Variants in GATAD2B observed in about 807,000 individuals in gnomAD.
The protein encoded by GATAD2B is GATA zinc finger domain containing 2B, also known as transcriptional repressor p66-beta.
Under a neutral mutation model 64.3 loss-of-function variants are expected in GATAD2B, and 8 were observed. That is an observed-to-expected ratio of 0.12 (90% CI 0.07 to 0.22). GATAD2B has a LOEUF of 0.22. Among genes scored for constraint, GATAD2B ranks in the 10% least tolerant of loss-of-function variants. GATAD2B has a pLI of 1.00. For synonymous variants in GATAD2B, 281 were observed against 271.3 expected, an observed-to-expected ratio of 1.04 and a Z score of -0.35; for missense variants, 453 against 752.0, an observed-to-expected ratio of 0.60 and a Z score of 4.65.
chr1:153,821,172 G>T (rs888388092), intron 2 of GATAD2B, among the ~76,000 whole-genome samples: 2 of 151,630 alleles, frequency 1.3e-5, no homozygotes, highest in African/African-American at 4.8e-5. Context: ...TGTAAGGGGT[G>T]GGGGTCTTGC....
intron 6 of GATAD2B, among the ~76,000 whole-genome samples, chr1:153,817,133 A>G (rs1285475428): frequency 2.6e-5 from 4 of 152,178 alleles, no homozygotes; most frequent in African/African-American, 9.7e-5. Context: ...ACTCTCTTCT[A>G]GGCAGATTTT....
rs550574400 is a variant in GATAD2B, at chr1:153,895,289, G to A, written c.-2+27444C>T. 2.4e-4 allele frequency among the ~76,000 whole-genome samples: 36 copies of A among 151,662 alleles called. 1 individual carries two copies. Among genetic ancestry groups the A allele is most frequent in the African/African-American group, 8.2e-4 (34 of 41,320 alleles). On this transcript the variant is annotated intron_variant, in intron 1 of 10. Transcript: ENST00000368655. ...GCAGAGGGTGCAGTGAGCCAAGATC[G>A]CGCCACTGCACTGCAGCCTGGGTGA... is the stretch of plus-strand genomic sequence containing the variant.
At chr1:153,852,698 G>A in intron 1 of GATAD2B, 1 of 924,954 alleles carries the variant, frequency 1.1e-6, no homozygotes, top group Admixed American at 1.7e-5. Context: ...CTTTAACCCT[G>A]CTGAGAGCCT....
In GATAD2B at chr1:153,813,236, G is replaced by A. The variant is rs1234468004; in HGVS notation, c.1419+14C>T. The stretch of plus-strand genomic sequence containing the variant: ...AACTGGGACAGGTGGCCAGTGAGCA[G>A]TCAGAATTCTTACCTGTTCCTGCTG... On this transcript the variant is annotated intron_variant, in intron 8 of 10. Coordinates refer to ENST00000368655, the MANE Select transcript of GATAD2B (RefSeq NM_020699.4). 5 of 1,608,324 alleles carry A rather than the reference G, an allele frequency of 3.1e-6. No homozygotes were observed. The African/African-American group carries it at 6.7e-5, about 21-fold the overall frequency.
At chr1:153,896,756 G>C (rs986788648) in intron 1 of GATAD2B, among the ~76,000 whole-genome samples, 1 of 151,846 alleles carries the variant, frequency 6.6e-6, no homozygotes, top group Non-Finnish European at 1.5e-5. Context: ...AAATTTTCAA[G>C]GTCAATGAAG....
At position 153,812,144 on chromosome 1, in the gene GATAD2B, C is replaced by T; in HGVS notation, c.1420-12G>A. 1 of 1,414,292 alleles carries T rather than the reference C, an allele frequency of 7.1e-7. No homozygotes were observed. The highest frequency in any genetic ancestry group is 1.0e-6 in the Non-Finnish European group (1 of 999,610). The allele number at this position is 1,414,292 out of a possible 1,614,324, so 87.6% of individuals were successfully genotyped here. On this transcript the variant is annotated splice_polypyrimidine_tract_variant and intron_variant, in intron 8 of 10. Transcript: ENST00000368655. Reference sequence around the variant, plus strand: ...CGCTGTTCAATTTCCTGTTGGGAGTCATCACATCAGGTGATTGAGCAGGAC... The same window carrying T: ...CGCTGTTCAATTTCCTGTTGGGAGTTATCACATCAGGTGATTGAGCAGGAC...
chr1:153,902,057 G>T (rs1304663970), intron 1 of GATAD2B, among the ~76,000 whole-genome samples: 7 of 151,338 alleles, frequency 4.6e-5, no homozygotes, highest in Non-Finnish European at 8.8e-5. Context: ...GAGGCAGGCG[G>T]ATCACCTGAG....
intron 8 of GATAD2B, 55 bp downstream of exon 8, chr1:153,813,195 C>A: frequency 7.0e-7 from 1 of 1,419,836 alleles, no homozygotes; most frequent in Non-Finnish European, 9.9e-7. Context: ...GAAGGCGCGA[C>A]CCTTTGGAAA....
chr1:153,851,478 G>C (rs1196274063), intron 1 of GATAD2B, among the ~76,000 whole-genome samples: 1 of 152,104 alleles, frequency 6.6e-6, no homozygotes, highest in Non-Finnish European at 1.5e-5. Flanking sequence ...GACATTGACA[G>C]GTGTGAAGTG....
At chr1:153,906,352 G>A (rs995593522) in intron 1 of GATAD2B, among the ~76,000 whole-genome samples, 2 of 152,140 alleles carry the variant, frequency 1.3e-5, no homozygotes, top group African/African-American at 4.8e-5. Context: ...CTGGGAGGCA[G>A]AGGTTGCAGT....
intron 1 of GATAD2B, among the ~76,000 whole-genome samples, chr1:153,867,025 G>A (rs1434328402): frequency 6.6e-6 from 1 of 152,066 alleles, no homozygotes; most frequent in East Asian, 1.9e-4. Flanking sequence ...TGATCTGCCT[G>A]CCTCAGTCTC....
chr1:153,828,493 A>ACACAC (rs1674964414), intron 1 of GATAD2B, 145 bp from the exon 2 acceptor site: 1 of 550,360 alleles, frequency 1.8e-6, no homozygotes, highest in African/African-American at 2.1e-5. Flanking sequence ...CACACACACA[A>ACACAC]AGTTCAAAGT....
intron 3 of GATAD2B, among the ~76,000 whole-genome samples, chr1:153,819,147 A>C (rs1054277559): frequency 2.0e-5 from 3 of 152,248 alleles, no homozygotes; most frequent in Non-Finnish European, 4.4e-5. Flanking sequence ...TATAAATGCT[A>C]ATCAGCCAGA....
chr1:153,846,225 T>C (rs1471061360), intron 1 of GATAD2B, among the ~76,000 whole-genome samples: 1 of 152,184 alleles, frequency 6.6e-6, no homozygotes. Context: ...TTGCTTGTTC[T>C]GTGCTTCCTT....
intron 2 of GATAD2B, among the ~76,000 whole-genome samples, chr1:153,820,637 T>C (rs1193935926): frequency 6.6e-6 from 1 of 152,138 alleles, no homozygotes; most frequent in Non-Finnish European, 1.5e-5. Context: ...GTCCTTTTTT[T>C]TTTCCCTCTT....
In GATAD2B at chr1:153,816,479, G is replaced by A. The variant is rs753284491; in HGVS notation, c.1010C>T (p.Pro337Leu). 4 of 1,614,058 alleles carry A rather than the reference G, an allele frequency of 2.5e-6. No individual in the cohort carries two copies. In the East Asian group the frequency reaches 6.7e-5, roughly 27 times the overall value. Residue 337 changes from proline to leucine, a missense_variant, in exon 7 of 11, where the codon CCT (proline) becomes CTT (leucine). Pro to Leu is a moderately conservative substitution (Grantham distance 98). Coordinates refer to ENST00000368655, the MANE Select transcript of GATAD2B (RefSeq NM_020699.4). The surrounding 1 kb of genome is among the most constrained non-coding windows in gnomAD (Gnocchi z 4.9). ...AGCATCAGTCATGGCGCTGGGGCTA[G>A]GAAGTGGCGAGGACACTCTGTTCAC... ...GTVNRVSSPL[P>L]SPSAMTDAAN...
intron 1 of GATAD2B, among the ~76,000 whole-genome samples, chr1:153,850,848 G>A (rs568085042): frequency 6.6e-6 from 1 of 151,976 alleles, no homozygotes; most frequent in East Asian, 2.0e-4. Flanking sequence ...TTGAACCTAG[G>A]AGGCGGAGGT....
intron 1 of GATAD2B, among the ~76,000 whole-genome samples, chr1:153,879,502 G>A (rs993426025): frequency 1.3e-5 from 2 of 152,072 alleles, no homozygotes; most frequent in African/African-American, 2.4e-5. Context: ...AGTGGCTCAC[G>A]CCTGTAATCC....
At chr1:153,893,173 T>C (rs190968755) in intron 1 of GATAD2B, among the ~76,000 whole-genome samples, 1 of 152,288 alleles carries the variant, frequency 6.6e-6, no homozygotes, top group East Asian at 1.9e-4. Context: ...GATGAGCACA[T>C]GGAACCTACA....
Sources: gnomAD v4.1 joint callset for allele counts (sites outside exome capture counted in the v4.1 genomes callset) on GRCh38, gnomAD v4.1.1 for gene constraint, Gnocchi (gnomAD v3.1) non-coding constraint, MANE v1.5 for transcripts, NCBI Gene and HGNC (gene_info 2026-07-23, HGNC 2026-07-21) for gene names.